Variants in MYO5B observed in about 807,000 individuals in gnomAD.
The protein encoded by MYO5B is myosin VB, also known as unconventional myosin-Vb.
MYO5B carries 143 observed loss-of-function variants against 229.3 expected under a neutral mutation model. The ratio of observed to expected loss-of-function variants is 0.62; its 90% CI spans 0.54 to 0.72. MYO5B has a LOEUF of 0.72. Among genes scored for constraint, MYO5B ranks in the 30% least tolerant of loss-of-function variants. The pLI, the probability that MYO5B is intolerant of heterozygous loss-of-function variation, is 0.00. For missense variants in MYO5B, 2,321 were observed against 2,331.0 expected, an observed-to-expected ratio of 1.00 and a Z score of 0.09; for synonymous variants, 918 against 885.2, an observed-to-expected ratio of 1.04 and a Z score of -0.66.
intron 1 of MYO5B, among the ~76,000 whole-genome samples, chr18:50,105,947 T>C (rs777002899): frequency 8.5e-5 from 13 of 152,122 alleles, no homozygotes; most frequent in Non-Finnish European, 1.6e-4. Flanking sequence ...GCCTCCTTTG[T>C]AGGCTGTCCA....
At position 50,106,650 on chromosome 18, in the gene MYO5B, ACTTCC is replaced by A. The variant is rs1411243979; in HGVS notation, c.28-51277_28-51273del. 1.3e-5 allele frequency among the ~76,000 whole-genome samples: 2 copies of A among 152,062 alleles called. 1 individual carries two copies. The highest frequency in any genetic ancestry group is 2.9e-5 in the Non-Finnish European group (2 of 68,022). ...CTTCAGGTTTCACAGCCTGGATGTC[ACTTCC>A]CCCAGGAAGTGCTTCCAACTCCCGA... On this transcript the variant is annotated intron_variant, in intron 1 of 39. Coordinates refer to ENST00000285039, the MANE Select transcript of MYO5B (RefSeq NM_001080467.3).
At chr18:49,935,773 G>A (rs1477139945) in intron 16 of MYO5B, among the ~76,000 whole-genome samples, 2 of 152,240 alleles carry the variant, frequency 1.3e-5, no homozygotes, top group Non-Finnish European at 2.9e-5. Context: ...AGGTTGAGGA[G>A]TGAGGAAAAG....
chr18:49,919,269 CAATGCACAACCTAATGCAATGACACCT>C (rs143803490), intron 17 of MYO5B, among the ~76,000 whole-genome samples: 8,347 of 152,178 alleles, frequency 0.055, 589 homozygotes, highest in African/African-American at 0.16. Flanking sequence ...TTGGGTTAGG[CAATGCACAACCTAATGCAATGACACCT>C]AATGCACAAC....
rs150481753 is a variant in MYO5B at position 49,873,718 on chromosome 18, T to C, written c.3538-1486A>G. On this transcript the variant is annotated intron_variant, in intron 26 of 39. Transcript: ENST00000285039. ...GGTCACCTACTCAGACTCAAGGGGC[T>C]CTATTAAGATGGGCTGGCAGTCACG... 1.5e-4 allele frequency among the ~76,000 whole-genome samples: 23 copies of C among 152,304 alleles called. No individual in the cohort carries two copies. The East Asian group carries it at 2.7e-3, about 18-fold the overall frequency.
At chr18:50,072,597 GAT>G (rs2030984002) in intron 1 of MYO5B, among the ~76,000 whole-genome samples, 1 of 152,170 alleles carries the variant, frequency 6.6e-6, no homozygotes, top group Non-Finnish European at 1.5e-5. Flanking sequence ...ATTCCAATCA[GAT>G]ACTCAACACC....
intron 1 of MYO5B, among the ~76,000 whole-genome samples, chr18:50,163,682 A>C (rs1396284965): frequency 6.6e-6 from 1 of 152,198 alleles, no homozygotes; most frequent in Non-Finnish European, 1.5e-5. Context: ...AGAGTCTCCT[A>C]AAAACAAGTT....
chr18:50,183,362 T>C (rs887901350), intron 1 of MYO5B, among the ~76,000 whole-genome samples: 1 of 142,388 alleles, frequency 7.0e-6, no homozygotes, highest in African/African-American at 2.6e-5. Flanking sequence ...ATTCATTTTG[T>C]TTCAGAAATT....
At chr18:50,093,316 T>C (rs2031487945) in intron 1 of MYO5B, among the ~76,000 whole-genome samples, 1 of 152,038 alleles carries the variant, frequency 6.6e-6, no homozygotes, top group African/African-American at 2.4e-5. Context: ...GCAGAATGGA[T>C]GAACCCTCGA....
chr18:50,087,528 G>A (rs1568101452), intron 1 of MYO5B, among the ~76,000 whole-genome samples: 3 of 148,362 alleles, frequency 2.0e-5, no homozygotes, highest in South Asian at 2.1e-4. Flanking sequence ...AGGTGAGATC[G>A]TGCCACTGCA....
intron 39 of MYO5B, among the ~76,000 whole-genome samples, chr18:49,827,303 A>T (rs777300929): frequency 5.3e-5 from 8 of 152,234 alleles, no homozygotes; most frequent in Admixed American, 2.0e-4. Context: ...AGCAGCTCAC[A>T]TTCCTGGAGT....
intron 10 of MYO5B, among the ~76,000 whole-genome samples, chr18:49,973,137 T>C (rs1413888080): frequency 1.3e-5 from 2 of 152,092 alleles, no homozygotes; most frequent in African/African-American, 4.8e-5. Flanking sequence ...TTCCACAATT[T>C]CTTCTGATGC....
intron 16 of MYO5B, among the ~76,000 whole-genome samples, chr18:49,932,422 C>T (rs550842800): frequency 6.6e-5 from 10 of 152,300 alleles, no homozygotes; most frequent in South Asian, 6.2e-4. Flanking sequence ...GTTCCCTCTT[C>T]GTGACCAGCT....
intron 16 of MYO5B, among the ~76,000 whole-genome samples, chr18:49,931,764 T>C (rs939212699): frequency 6.6e-6 from 1 of 152,328 alleles, no homozygotes; most frequent in Admixed American, 6.5e-5. Context: ...CGGGCTCCCC[T>C]GCTCACAGGC....
At chr18:49,911,311 G>A (rs2024954786) in intron 18 of MYO5B, among the ~76,000 whole-genome samples, 1 of 152,196 alleles carries the variant, frequency 6.6e-6, no homozygotes, top group Non-Finnish European at 1.5e-5. Context: ...GAATTCTGCT[G>A]GAGTTCAGTC....
At chr18:49,910,291 G>T (rs2024943662) in intron 18 of MYO5B, among the ~76,000 whole-genome samples, 2 of 152,212 alleles carry the variant, frequency 1.3e-5, no homozygotes, top group South Asian at 4.1e-4. Flanking sequence ...CCCTCTTTGG[G>T]AATCAGAGGT....
At chr18:50,063,885 T>A (rs2030753021) in intron 1 of MYO5B, 1 of 152,324 alleles carries the variant, frequency 6.6e-6, no homozygotes, top group Non-Finnish European at 1.5e-5. Context: ...AAAATTTACC[T>A]GTTTACTGCC....
chr18:50,052,895 A>T (rs572617374), intron 2 of MYO5B, among the ~76,000 whole-genome samples: 1 of 152,138 alleles, frequency 6.6e-6, no homozygotes, highest in Non-Finnish European at 1.5e-5. Flanking sequence ...GGTTAGGAAT[A>T]TCATTGTCTT....
At chr18:50,077,540 C>CACAG (rs1491568419) in intron 1 of MYO5B, among the ~76,000 whole-genome samples, 3 of 148,286 alleles carry the variant, frequency 2.0e-5, no homozygotes, top group African/African-American at 5.1e-5. Flanking sequence ...CACACACACA[C>CACAG]AGTAAAGGAC....
chr18:50,077,321 G>C (rs1009720184), intron 1 of MYO5B, among the ~76,000 whole-genome samples: 2 of 151,980 alleles, frequency 1.3e-5, no homozygotes, highest in African/African-American at 4.8e-5. Flanking sequence ...ACATAAACAG[G>C]GTTACAGGAA....
Sources: allele counts gnomAD v4.1 joint callset (sites outside exome capture counted in the v4.1 genomes callset), GRCh38; gene constraint gnomAD v4.1.1; transcripts MANE v1.5; gene names NCBI Gene and HGNC (gene_info 2026-07-23, HGNC 2026-07-21).